SLC9A3: variants seen among roughly 807,000 people sequenced by gnomAD.
SLC9A3 encodes the protein solute carrier family 9 member A3.
In SLC9A3, 37 loss-of-function variants were observed where a neutral mutation model predicts 86.8. The ratio of observed to expected loss-of-function variants is 0.43; its 90% CI spans 0.33 to 0.56. SLC9A3 has a LOEUF of 0.56. Ranked by LOEUF, SLC9A3 falls within the 20% of genes least tolerant of loss-of-function variation. SLC9A3 has a pLI of 0.06. For synonymous variants in SLC9A3, 581 were observed against 528.3 expected (o/e 1.10, Z -1.37); for missense variants, 1,011 against 1,171.9 (o/e 0.86, Z 2.00).
At chr5:485,097 CAGTT>C in intron 4 of SLC9A3, 52 bp downstream of exon 4, 1 of 1,280,078 alleles carries the variant, frequency 7.8e-7, no homozygotes. Flanking sequence ...CCAGAGAAGA[CAGTT>C]GGCCCCAGAG....
intron 15 of SLC9A3, chr5:475,336 C>T: frequency 1.6e-6 from 1 of 631,834 alleles, no homozygotes; most frequent in Non-Finnish European, 2.7e-6. Context: ...TCTCGCTTCC[C>T]TCAAGACATA....
rs1222483486 is a variant in SLC9A3 at position 492,133 on chromosome 5, G to A, written c.212-62C>T. On this transcript the variant is annotated intron_variant, in intron 1 of 16. Transcript: ENST00000264938. ...GAGGGAGGGGAGGGAGGTCAGGGCCGGGCTGTGAGGGAGGGGAGGGAGGTG... is the reference window on the plus strand; with the variant it reads ...GAGGGAGGGGAGGGAGGTCAGGGCCAGGCTGTGAGGGAGGGGAGGGAGGTG... 5 of 664,558 alleles carry A rather than the reference G, an allele frequency of 7.5e-6. No individual in the cohort carries two copies. The African/African-American group carries it at 8.6e-5, about 11-fold the overall frequency. 41.2% of individuals were successfully genotyped at this position (664,558 alleles called of 1,614,324 possible).
intron 2 of SLC9A3, among the ~76,000 whole-genome samples, chr5:489,983 G>A (rs1262596382): frequency 2.0e-5 from 3 of 152,234 alleles, no homozygotes; most frequent in Admixed American, 6.5e-5. Context: ...GACAGCCCCC[G>A]GGCCAGCACT....
At chr5:481,660 C>A (rs767233922) in intron 8 of SLC9A3, 25 bp from the exon 9 acceptor site, 2 of 1,602,632 alleles carry the variant, frequency 1.2e-6, no homozygotes, top group Admixed American at 1.7e-5. Context: ...AAGACATGAG[C>A]GTCTCGGGGC....
intron 1 of SLC9A3, among the ~76,000 whole-genome samples, chr5:507,488 C>T (rs984303242): frequency 1.3e-5 from 2 of 151,680 alleles, no homozygotes; most frequent in Non-Finnish European, 1.5e-5. Flanking sequence ...TGGTCTAAAA[C>T]TCTTGGGCTC....
At chr5:507,163 C>CTGCTTTTTTTTT (rs1553999262) in intron 1 of SLC9A3, among the ~76,000 whole-genome samples, 3 of 34,738 alleles carry the variant, frequency 8.6e-5, no homozygotes, top group Non-Finnish European at 1.7e-4. Context: ...CCGGCTGCTG[C>CTGCTTTTTTTTT]TTCTTTTTTT....
At chr5:501,432 C>G (rs1163001800) in intron 1 of SLC9A3, among the ~76,000 whole-genome samples, 1 of 152,226 alleles carries the variant, frequency 6.6e-6, no homozygotes, top group East Asian at 1.9e-4. Context: ...AACAGCCTGG[C>G]TGAGCGGTGG....
intron 10 of SLC9A3, chr5:478,709 G>A (rs749879221): frequency 1.9e-4 from 29 of 154,672 alleles, no homozygotes; most frequent in Middle Eastern, 1.6e-3. Flanking sequence ...AGGGGAGCCC[G>A]CCAGAGGCCA....
intron 1 of SLC9A3, among the ~76,000 whole-genome samples, chr5:493,018 G>A (rs958306249): frequency 1.8e-4 from 27 of 152,002 alleles, no homozygotes; most frequent in Non-Finnish European, 2.5e-4. Flanking sequence ...CAGCACCATC[G>A]CCCCTGCCAG....
chr5:492,777 CGTT>C (rs1327064317), intron 1 of SLC9A3, among the ~76,000 whole-genome samples: 1 of 152,142 alleles, frequency 6.6e-6, no homozygotes, highest in Non-Finnish European at 1.5e-5. Flanking sequence ...CTGTCCCTGA[CGTT>C]GTGGCCAGAG....
At position 471,528 on chromosome 5, in the gene SLC9A3, G is replaced by A. The variant is rs1286395317; in HGVS notation, c.*1851C>T. 2.9e-5 allele frequency: 10 copies of A among 343,686 alleles called. No homozygotes were observed. In the East Asian group the frequency reaches 3.0e-4, roughly 10 times the overall value. The allele number at this position is 343,686 out of a possible 1,614,324, so 21.3% of individuals were successfully genotyped here. On this transcript the variant is annotated 3_prime_UTR_variant, in exon 17 of 17. Transcript: ENST00000264938. ...GCCTGTCAGAACAGCCACTTGTGCC[G>A]GGAAGGCCAGGCCCCGGCCTGCTCC...
chr5:471,524 T>G lies in SLC9A3; in HGVS notation c.*1855A>C, dbSNP rs1738356604. On this transcript the variant is annotated 3_prime_UTR_variant, in exon 17 of 17. Transcript: ENST00000264938. ...GGGGGCCTGTCAGAACAGCCACTTG[T>G]GCCGGGAAGGCCAGGCCCCGGCCTG... 2.9e-6 allele frequency: 1 copy of G among 344,916 alleles called. No homozygotes were observed. The highest frequency in any genetic ancestry group is 4.0e-5 in the Admixed American group (1 of 25,058). The allele number at this position is 344,916 out of a possible 1,614,324, so 21.4% of individuals were successfully genotyped here.
chr5:472,357 C>A lies in SLC9A3; in HGVS notation c.*1022G>T, dbSNP rs1307861527. On this transcript the variant is annotated 3_prime_UTR_variant, in exon 17 of 17. Coordinates refer to ENST00000264938, the MANE Select transcript of SLC9A3 (RefSeq NM_004174.4). ...CCTGGTAGGGGGGCGGTGCCCTGGG[C>A]CCCTCCATGCCCCCTGGTTTGTTAA... 3.0e-6 allele frequency: 1 copy of A among 333,902 alleles called. No individual in the cohort carries two copies. Among genetic ancestry groups the A allele is most frequent in the African/African-American group, 2.2e-5 (1 of 46,040 alleles). 20.7% of individuals were successfully genotyped at this position (333,902 alleles called of 1,614,324 possible). A position where few individuals can be genotyped will look rare whatever the true frequency, so the allele number is the denominator to read the frequency against.
chr5:483,251 C>T lies in SLC9A3; in HGVS notation c.1153+11G>A. ...CGGTGGTCCCACGGCCGCAACCCGG[C>T]CCCGCCTCACCGATGGCCCGGTACA... On this transcript the variant is annotated intron_variant, in intron 6 of 16. Coordinates refer to ENST00000264938, the MANE Select transcript of SLC9A3 (RefSeq NM_004174.4). 13 of 1,536,132 alleles carry T rather than the reference C, an allele frequency of 8.5e-6. No individual in the cohort carries two copies. Among genetic ancestry groups the T allele is most frequent in the Non-Finnish European group, 1.1e-5 (12 of 1,134,950 alleles).
intron 1 of SLC9A3, among the ~76,000 whole-genome samples, chr5:492,726 C>T (rs995421621): frequency 6.6e-6 from 1 of 152,140 alleles, no homozygotes; most frequent in Admixed American, 6.5e-5. Context: ...CCCCAACTCG[C>T]TCTGTGCCTT....
In SLC9A3 at chr5:480,117, C is replaced by G. The variant is rs542790090; in HGVS notation, c.1518-152G>C. 3 of 766,604 alleles carry G rather than the reference C, an allele frequency of 3.9e-6. No individual in the cohort carries two copies. The Admixed American group carries it at 8.6e-5, about 22-fold the overall frequency. 47.5% of individuals were successfully genotyped at this position (766,604 alleles called of 1,614,324 possible). A position where few individuals can be genotyped will look rare whatever the true frequency, so the allele number is the denominator to read the frequency against. Reference sequence around the variant, plus strand: ...GAGGGAAGCAGCCCCTGCCACACGCCCAGGCCGTCCGCCGTTCTCCCGCCT... The same window carrying G: ...GAGGGAAGCAGCCCCTGCCACACGCGCAGGCCGTCCGCCGTTCTCCCGCCT... On this transcript the variant is annotated intron_variant, in intron 9 of 16. Coordinates refer to ENST00000264938, the MANE Select transcript of SLC9A3 (RefSeq NM_004174.4).
chr5:507,248 A>C (rs1354647205), intron 1 of SLC9A3, among the ~76,000 whole-genome samples: 1 of 106,996 alleles, frequency 9.3e-6, no homozygotes, highest in Non-Finnish European at 1.7e-5. Flanking sequence ...GGCTCACTGC[A>C]AGCTCCGCTC....
At chr5:475,205 T>C in intron 15 of SLC9A3, 73 bp from the exon 16 acceptor site, 1 of 1,472,016 alleles carries the variant, frequency 6.8e-7, no homozygotes, top group Non-Finnish European at 9.1e-7. Context: ...GCCGGGGCCG[T>C]CACCTGCTGG....
At chr5:519,271 C>G (rs1056457797) in intron 1 of SLC9A3, among the ~76,000 whole-genome samples, 1 of 152,218 alleles carries the variant, frequency 6.6e-6, no homozygotes, top group Non-Finnish European at 1.5e-5. Flanking sequence ...GCTGACCACC[C>G]TGGCCTTCTA....
Sources: gnomAD v4.1 joint callset for allele counts (sites outside exome capture counted in the v4.1 genomes callset) on GRCh38, gnomAD v4.1.1 for gene constraint, MANE v1.5 for transcripts, NCBI Gene and HGNC (gene_info 2026-07-23, HGNC 2026-07-21) for gene names.